The following RAB3B variants were observed in gnomAD, a reference collection of about 807,000 sequenced individuals.
The protein encoded by RAB3B is RAB3B, member RAS oncogene family.
RAB3B carries 11 observed loss-of-function variants against 20.5 expected under a neutral mutation model. That is an observed-to-expected ratio of 0.54 (90% CI 0.34 to 0.89). The LOEUF (loss-of-function observed/expected upper bound fraction) is 0.89, where lower values mean the gene tolerates loss of function less well. RAB3B is among the 40% of genes least tolerant of loss of function. RAB3B has a pLI of 0.02. For missense variants in RAB3B, 225 were observed against 280.9 expected (o/e 0.80, Z 1.42); for synonymous variants, 99 against 106.3 (o/e 0.93, Z 0.42).
Position 51,914,705 on chromosome 1 carries a change from C to T in RAB3B, c.*5222G>A, listed in dbSNP as rs1002131078. 6.6e-6 allele frequency: 1 copy of T among 152,108 alleles called. No individual in the cohort carries two copies. The highest frequency in any genetic ancestry group is 2.4e-5 in the African/African-American group (1 of 41,422). 9.4% of individuals were successfully genotyped at this position (152,108 alleles called of 1,614,324 possible). On this transcript the variant is annotated 3_prime_UTR_variant, in exon 5 of 5. Transcript: ENST00000371655. Reference sequence around the variant, plus strand: ...CCAGCCACAGGATGCTACTTGATTCCCCAACTATGGCAGGTAATTGGGTGT... The same window carrying T: ...CCAGCCACAGGATGCTACTTGATTCTCCAACTATGGCAGGTAATTGGGTGT...
intron 2 of RAB3B, among the ~76,000 whole-genome samples, chr1:51,955,381 G>C (rs1200763685): frequency 2.0e-5 from 3 of 152,036 alleles, no homozygotes; most frequent in Non-Finnish European, 4.4e-5. Flanking sequence ...CTGGCCCAGG[G>C]ACTTACTCTT....
chr1:51,930,009 T>C (rs1188684198), intron 4 of RAB3B, among the ~76,000 whole-genome samples: 9 of 152,166 alleles, frequency 5.9e-5, no homozygotes, highest in African/African-American at 1.9e-4. Context: ...AGTAGAAGCC[T>C]AGGAGGAGAG....
intron 2 of RAB3B, among the ~76,000 whole-genome samples, chr1:51,964,832 T>C (rs192820345): frequency 2.1e-4 from 32 of 152,348 alleles, no homozygotes; most frequent in African/African-American, 6.7e-4. Flanking sequence ...CCAGCCTCAA[T>C]TGTTACAAAT....
chr1:51,931,690 C>T (rs1684326278), intron 4 of RAB3B, among the ~76,000 whole-genome samples: 1 of 148,384 alleles, frequency 6.7e-6, no homozygotes, highest in Non-Finnish European at 1.5e-5. Flanking sequence ...GTGATGGGTA[C>T]TGTGACTCTT....
chr1:51,989,238 G>A (rs1685191751), intron 1 of RAB3B, among the ~76,000 whole-genome samples: 1 of 150,252 alleles, frequency 6.7e-6, no homozygotes, highest in Non-Finnish European at 1.5e-5. Context: ...GTGTGTGTGT[G>A]TGTGTGTGTG....
chr1:51,955,049 A>G (rs1394493428), intron 2 of RAB3B, among the ~76,000 whole-genome samples: 2 of 152,226 alleles, frequency 1.3e-5, no homozygotes, highest in Non-Finnish European at 2.9e-5. Context: ...TAGTAAGGCC[A>G]CTGAGGATCA....
intron 1 of RAB3B, among the ~76,000 whole-genome samples, chr1:51,984,523 TG>T (rs1163102058): frequency 6.6e-6 from 1 of 151,138 alleles, no homozygotes; most frequent in Non-Finnish European, 1.5e-5. Flanking sequence ...CCCAAGTAGC[TG>T]GGACTACAGG....
intron 1 of RAB3B, among the ~76,000 whole-genome samples, chr1:51,984,082 G>A (rs1046932781): frequency 6.6e-6 from 1 of 151,452 alleles, no homozygotes; most frequent in Non-Finnish European, 1.5e-5. Flanking sequence ...GGCCAACATG[G>A]TGAAACCCCA....
intron 2 of RAB3B, among the ~76,000 whole-genome samples, chr1:51,962,708 T>C (rs1255812669): frequency 1.3e-5 from 2 of 152,190 alleles, no homozygotes; most frequent in African/African-American, 4.8e-5. Context: ...TGAAATTCAG[T>C]CAGTCATCAG....
At chr1:51,939,675 A>T (rs1327615713) in intron 2 of RAB3B, among the ~76,000 whole-genome samples, 1 of 152,180 alleles carries the variant, frequency 6.6e-6, no homozygotes, top group East Asian at 1.9e-4. Flanking sequence ...CCCAGGCTCA[A>T]GTGATCCTCC....
In RAB3B at chr1:51,909,433, A is replaced by T. The variant is rs747890950; in HGVS notation, c.*10494T>A. On this transcript the variant is annotated 3_prime_UTR_variant, in exon 5 of 5. Coordinates refer to ENST00000371655, the MANE Select transcript of RAB3B (RefSeq NM_002867.4). Reference sequence around the variant, plus strand: ...TTAGGTGAAAATATGTTGGTTCAAGATCACACAGTTAGTATGCTGCAAAGT... The same window carrying T: ...TTAGGTGAAAATATGTTGGTTCAAGTTCACACAGTTAGTATGCTGCAAAGT... 6.6e-6 allele frequency: 1 copy of T among 152,146 alleles called. No individual in the cohort carries two copies. Among genetic ancestry groups the T allele is most frequent in the Non-Finnish European group, 1.5e-5 (1 of 68,018 alleles). 9.4% of individuals were successfully genotyped at this position (152,146 alleles called of 1,614,324 possible). A position where few individuals can be genotyped will look rare whatever the true frequency, so the allele number is the denominator to read the frequency against.
chr1:51,927,607 C>T (rs1300055441), intron 4 of RAB3B, among the ~76,000 whole-genome samples: 1 of 152,044 alleles, frequency 6.6e-6, no homozygotes, highest in Non-Finnish European at 1.5e-5. Flanking sequence ...GAAACCCCGT[C>T]TCTACCAAAA....
At position 51,928,106 on chromosome 1, in the gene RAB3B, C is replaced by CT. The variant is rs1314485598; in HGVS notation, c.472+5211dup. Among the ~76,000 whole-genome samples, 30 of 149,578 alleles carry CT rather than the reference C, an allele frequency of 2.0e-4. No homozygotes were observed. The South Asian group carries it at 2.8e-3, about 14-fold the overall frequency. On this transcript the variant is annotated intron_variant, in intron 4 of 4. Coordinates refer to ENST00000371655, the MANE Select transcript of RAB3B (RefSeq NM_002867.4). ...ATGGAAGGCCAATCACAACACACAG[C>CT]TTTTTTTTTTCTTTTTTTAGATGGA... is the stretch of plus-strand genomic sequence containing the variant.
intron 4 of RAB3B, among the ~76,000 whole-genome samples, chr1:51,928,147 C>A (rs1684270803): frequency 6.6e-6 from 1 of 152,052 alleles, no homozygotes; most frequent in Non-Finnish European, 1.5e-5. Context: ...GCTCTTGTTG[C>A]CCAGGCTGGA....
Position 51,933,346 on chromosome 1 carries a change from C to G in RAB3B, c.444G>C (p.Glu148Asp), listed in dbSNP as rs2124249773. The G allele has an allele frequency of 6.2e-7, 1 of 1,614,170 alleles. No individual in the cohort carries two copies. The highest frequency in any genetic ancestry group is 8.5e-7 in the Non-Finnish European group (1 of 1,180,020). Reference protein sequence around the residue: ...DMEEERVVPTEKGQLLAEQLG... With the variant: ...DMEEERVVPTDKGQLLAEQLG... ...GCTGCTCTGCAAGGAGCTGGCCCTT[C>G]TCAGTGGGAACAACCCTCTCTTCCT... The change falls in exon 4 of 5, where the codon GAG becomes GAC. Residue 148 changes from glutamate (E) to aspartate (D), a missense_variant. Glu to Asp is a conservative substitution (Grantham distance 45). Coordinates refer to ENST00000371655, the MANE Select transcript of RAB3B (RefSeq NM_002867.4).
At position 51,914,801 on chromosome 1, in the gene RAB3B, C is replaced by G. The variant is rs1684058985; in HGVS notation, c.*5126G>C. On this transcript the variant is annotated 3_prime_UTR_variant, in exon 5 of 5. Coordinates refer to ENST00000371655, the MANE Select transcript of RAB3B (RefSeq NM_002867.4). ...GGTTATTGTAGTTCTTTCCCCTTCC[C>G]CTAAACTGTTGGCAAACAAAGTCAA... 6.6e-6 allele frequency: 1 copy of G among 152,062 alleles called. No individual in the cohort carries two copies. The allele number at this position is 152,062 out of a possible 1,614,324, so 9.4% of individuals were successfully genotyped here.
intron 3 of RAB3B, among the ~76,000 whole-genome samples, chr1:51,935,404 A>G (rs1431062777): frequency 6.6e-6 from 1 of 152,166 alleles, no homozygotes; most frequent in African/African-American, 2.4e-5. Flanking sequence ...ACTGAGACCA[A>G]GTTACCCACA....
rs762275501 is a variant in RAB3B, at chr1:51,977,089, C to A, written c.29G>T (p.Gly10Val). Residue 10 changes from glycine (G) to valine (V), a missense_variant, in exon 2 of 5, where the codon GGA becomes GTA. Transcript: ENST00000371655. The part of the protein sequence containing the change: MASVTDGKT[G>V]VKDASDQNFD... ...ATTCTGGTCAGAGGCATCTTTGACT[C>A]CAGTTTTACCATCTGTCACTGAAGC... 6.2e-7 allele frequency: 1 copy of A among 1,614,002 alleles called. No individual in the cohort carries two copies. The highest frequency in any genetic ancestry group is 8.5e-7 in the Non-Finnish European group (1 of 1,180,002).
At chr1:51,979,374 G>A (rs965188698) in intron 1 of RAB3B, among the ~76,000 whole-genome samples, 2 of 151,430 alleles carry the variant, frequency 1.3e-5, no homozygotes, top group Admixed American at 6.6e-5. Flanking sequence ...GAGTTCAAGC[G>A]ATTCTCCTGC....
Sources: allele counts gnomAD v4.1 joint callset (sites outside exome capture counted in the v4.1 genomes callset), GRCh38; gene constraint gnomAD v4.1.1; transcripts MANE v1.5; gene names NCBI Gene and HGNC (gene_info 2026-07-23, HGNC 2026-07-21).